The following GRHL2 variants were observed in gnomAD, a reference collection of about 807,000 sequenced individuals.
GRHL2 encodes grainyhead like transcription factor 2.
GRHL2 carries 21 observed loss-of-function variants against 83.8 expected under a neutral mutation model. The ratio of observed to expected loss-of-function variants is 0.25; its 90% CI spans 0.18 to 0.36. The LOEUF (loss-of-function observed/expected upper bound fraction) is 0.36. Ranked by LOEUF, GRHL2 falls within the 10% of genes least tolerant of loss-of-function variation. The pLI is 1.00. For synonymous variants in GRHL2, 280 were observed against 278.9 expected, an observed-to-expected ratio of 1.00 and a Z score of -0.04; for missense variants, 623 against 781.8, an observed-to-expected ratio of 0.80 and a Z score of 2.42.
chr8:101,532,211 G>A (rs1810942615), intron 1 of GRHL2, among the ~76,000 whole-genome samples: 1 of 152,214 alleles, frequency 6.6e-6, no homozygotes, highest in Non-Finnish European at 1.5e-5. Flanking sequence ...CCCTGGGTAG[G>A]AAAATTGGTT....
chr8:101,677,142 GC>G, the GRHL2 span, among the ~76,000 whole-genome samples: 3 of 151,914 alleles, frequency 2.0e-5, no homozygotes, highest in Non-Finnish European at 4.4e-5. Context: ...CAGCACACCA[GC>G]ATGGCACATG....
At chr8:101,554,293 T>C (rs1280525164) in intron 3 of GRHL2, among the ~76,000 whole-genome samples, 1 of 152,202 alleles carries the variant, frequency 6.6e-6, no homozygotes, top group Non-Finnish European at 1.5e-5. Context: ...CTGACACTCT[T>C]CAGGCCCTAA....
At chr8:101,515,147 C>CCTCTCTCTTT (rs1165284492) in intron 1 of GRHL2, among the ~76,000 whole-genome samples, 4 of 138,358 alleles carry the variant, frequency 2.9e-5, no homozygotes, top group African/African-American at 1.1e-4. Context: ...GACTCAACTC[C>CCTCTCTCTTT]CTCTCTCTTT....
chr8:101,666,100 T>A (rs1359489633), intron 15 of GRHL2, among the ~76,000 whole-genome samples: 2 of 152,238 alleles, frequency 1.3e-5, no homozygotes, highest in Non-Finnish European at 2.9e-5. Flanking sequence ...ACCTTCACAG[T>A]TGCTGTGAGA....
At chr8:101,591,038 A>G (rs900718093) in intron 7 of GRHL2, among the ~76,000 whole-genome samples, 5 of 152,202 alleles carry the variant, frequency 3.3e-5, no homozygotes, top group African/African-American at 1.2e-4. Flanking sequence ...GATTTCCAGA[A>G]TCACACTTGC....
At chr8:101,587,871 A>G (rs1409045272) in intron 7 of GRHL2, among the ~76,000 whole-genome samples, 2 of 152,258 alleles carry the variant, frequency 1.3e-5, no homozygotes, top group Non-Finnish European at 2.9e-5. Flanking sequence ...GGCCTTCAAT[A>G]GAAACAAATA....
At position 101,619,883 on chromosome 8, in the gene GRHL2, A is replaced by AT. The variant is rs11373924; in HGVS notation, c.1257+204dup. On this transcript the variant is annotated intron_variant, in intron 9 of 15. Coordinates refer to ENST00000646743, the MANE Select transcript of GRHL2 (RefSeq NM_024915.4). ...ATATCTAGGAAGTCTTCAGTCAACT[A>AT]TTTTTTTTTTTTTTTTTTAGTTTAT... is the stretch of plus-strand genomic sequence containing the variant. 0.47 allele frequency among the ~76,000 whole-genome samples: 60,457 copies of AT among 129,232 alleles called. 13,538 individuals are homozygous for AT. The highest frequency in any genetic ancestry group is 0.56 in the African/African-American group (19,606 of 35,268). The allele number at this position is 129,232 out of a possible 152,430, so 84.8% of individuals were successfully genotyped here.
At chr8:101,511,801 C>A (rs563058719) in intron 1 of GRHL2, among the ~76,000 whole-genome samples, 2 of 151,974 alleles carry the variant, frequency 1.3e-5, no homozygotes, top group African/African-American at 4.8e-5. Flanking sequence ...TTATTTTATT[C>A]TTTTGTGGTT....
Position 101,622,828 on chromosome 8 carries a change from C to T in GRHL2, c.1257+3131C>T, listed in dbSNP as rs146209236. On this transcript the variant is annotated intron_variant, in intron 9 of 15. Coordinates refer to ENST00000646743, the MANE Select transcript of GRHL2 (RefSeq NM_024915.4). ...GCATGATATTTGTAGTCTTTTATCCCTCAACCCCCTCCCACTTTTCCCCAG... is the reference window on the plus strand; with the variant it reads ...GCATGATATTTGTAGTCTTTTATCCTTCAACCCCCTCCCACTTTTCCCCAG... 4.5e-3 allele frequency among the ~76,000 whole-genome samples: 693 copies of T among 152,308 alleles called. 4 individuals are homozygous for T. The highest frequency in any genetic ancestry group is 0.015 in the African/African-American group (640 of 41,558).
intron 14 of GRHL2, among the ~76,000 whole-genome samples, chr8:101,660,666 C>A (rs909710172): frequency 1.3e-5 from 2 of 152,072 alleles, no homozygotes; most frequent in African/African-American, 2.4e-5. Flanking sequence ...TGTTGTATTT[C>A]AACTTTTAAA....
intron 1 of GRHL2, among the ~76,000 whole-genome samples, chr8:101,494,532 A>G (rs2129946733): frequency 6.6e-6 from 1 of 152,246 alleles, no homozygotes; most frequent in South Asian, 2.1e-4. Context: ...TCAAGGAAAC[A>G]CGACTCGAGT....
At chr8:101,678,321 C>T in the GRHL2 span, among the ~76,000 whole-genome samples, 6 of 152,106 alleles carry the variant, frequency 3.9e-5, no homozygotes, top group South Asian at 4.2e-4. Context: ...AAAGGGGTGA[C>T]GGAAGAACCT....
At chr8:101,623,436 GACAGTACACAGTAGGGCAGTTT>G (rs1813003399) in intron 9 of GRHL2, among the ~76,000 whole-genome samples, 1 of 150,298 alleles carries the variant, frequency 6.7e-6, no homozygotes, top group Non-Finnish European at 1.5e-5. Flanking sequence ...TGCACAGTAG[GACAGTACACAGTAGGGCAGTTT>G]ACAGTACACA....
At chr8:101,612,520 GATACATAC>G (rs58026460) in intron 8 of GRHL2, among the ~76,000 whole-genome samples, 5,762 of 123,652 alleles carry the variant, frequency 0.047, 258 homozygotes, top group African/African-American at 0.094. Context: ...TAGATAGATA[GATACATAC>G]ATACATACAT....
chr8:101,493,710 T>C (rs1200744977), intron 1 of GRHL2, among the ~76,000 whole-genome samples: 2 of 151,948 alleles, frequency 1.3e-5, no homozygotes, highest in South Asian at 2.1e-4. Flanking sequence ...CTCGGGGTGC[T>C]CTCGCCGTCA....
intron 1 of GRHL2, among the ~76,000 whole-genome samples, chr8:101,533,399 A>G (rs1447112657): frequency 1.3e-5 from 2 of 152,324 alleles, no homozygotes; most frequent in East Asian, 1.9e-4. Flanking sequence ...CTCAATGGCA[A>G]TGGAGCTTTT....
intron 2 of GRHL2, among the ~76,000 whole-genome samples, chr8:101,544,383 G>A (rs1206086125): frequency 6.6e-6 from 1 of 152,032 alleles, no homozygotes; most frequent in Non-Finnish European, 1.5e-5. Context: ...AAGTCTTAAG[G>A]CAAAATAAAT....
At chr8:101,573,441 T>A (rs1436946816) in intron 5 of GRHL2, among the ~76,000 whole-genome samples, 2 of 152,162 alleles carry the variant, frequency 1.3e-5, no homozygotes, top group Non-Finnish European at 2.9e-5. Flanking sequence ...GTGGACTTTA[T>A]CCCCTTCCAA....
chr8:101,509,157 C>CTTTT (rs1554581566), intron 1 of GRHL2, among the ~76,000 whole-genome samples: 4 of 27,402 alleles, frequency 1.5e-4, no homozygotes, highest in African/African-American at 3.5e-4. Context: ...TTCCTTCCTT[C>CTTTT]CTTTCTTTCT....
Sources: gnomAD v4.1 joint callset for allele counts (sites outside exome capture counted in the v4.1 genomes callset) on GRCh38, gnomAD v4.1.1 for gene constraint, MANE v1.5 for transcripts, NCBI Gene and HGNC (gene_info 2026-07-23, HGNC 2026-07-21) for gene names.